Variants in ATF7 observed in about 807,000 individuals in gnomAD.
ATF7 encodes cyclic AMP-dependent transcription factor ATF-7.
In ATF7, 10 loss-of-function variants were observed where a neutral mutation model predicts 50.4. The ratio of observed to expected loss-of-function variants is 0.20; its 90% confidence interval spans 0.12 to 0.34. ATF7 has a LOEUF of 0.34. Ranked by LOEUF, ATF7 falls within the 10% of genes least tolerant of loss-of-function variation. ATF7 has a pLI of 1.00. For missense variants in ATF7, 465 were observed against 613.9 expected (o/e 0.76, Z 2.56); for synonymous variants, 201 against 226.4 (o/e 0.89, Z 1.01).
At chr12:53,617,525 A>G (rs1274551477) in intron 1 of ATF7, among the ~76,000 whole-genome samples, 2 of 152,158 alleles carry the variant, frequency 1.3e-5, no homozygotes, top group African/African-American at 4.8e-5. Flanking sequence ...GCTACTCGGG[A>G]GGCTGAGGCA....
At chr12:53,610,944 G>A (rs1217854591) in intron 1 of ATF7, among the ~76,000 whole-genome samples, 2 of 151,750 alleles carry the variant, frequency 1.3e-5, no homozygotes, top group African/African-American at 4.8e-5. Context: ...CTCCTGTCTC[G>A]GCCTCTTGAG....
intron 2 of ATF7, among the ~76,000 whole-genome samples, chr12:53,596,248 C>T (rs554768623): frequency 2.6e-5 from 4 of 152,044 alleles, no homozygotes; most frequent in Non-Finnish European, 5.9e-5. Context: ...TTCAGTGAGC[C>T]GAGATCGCGC....
intron 2 of ATF7, among the ~76,000 whole-genome samples, chr12:53,554,717 G>C (rs1940601542): frequency 6.6e-6 from 1 of 151,338 alleles, no homozygotes; most frequent in Non-Finnish European, 1.5e-5. Context: ...ACAAAAATTA[G>C]CTGGGCATGG....
chr12:53,552,683 C>T (rs1266095425), intron 2 of ATF7, 46 bp from the exon 3 acceptor site: 1 of 1,463,192 alleles, frequency 6.8e-7, no homozygotes, highest in East Asian at 2.3e-5. Context: ...AAAACAAAAA[C>T]CCGATTCGGT....
intron 3 of ATF7, 106 bp downstream of exon 3, chr12:53,552,435 C>A: frequency 2.4e-6 from 2 of 836,572 alleles, no homozygotes; most frequent in South Asian, 3.0e-5. Flanking sequence ...CACATAAGGG[C>A]TCTTAATGGG....
intron 2 of ATF7, among the ~76,000 whole-genome samples, chr12:53,559,497 G>A (rs1188903911): frequency 6.6e-6 from 1 of 151,996 alleles, no homozygotes; most frequent in Admixed American, 6.6e-5. Context: ...TGGCCAACAC[G>A]GTGAAACCCT....
chr12:53,600,370 C>T lies in ATF7; in HGVS notation c.48+583G>A, dbSNP rs189495170. ...TTTTTTTTTTTTTGAGACGGAGTTTCGCTCTTGTCACCCAGGCTGGAGTGC... is the reference window on the plus strand; with the variant it reads ...TTTTTTTTTTTTTGAGACGGAGTTTTGCTCTTGTCACCCAGGCTGGAGTGC... On this transcript the variant is annotated intron_variant, in intron 2 of 11. Coordinates refer to ENST00000420353, the MANE Select transcript of ATF7 (RefSeq NM_006856.3). Among the ~76,000 whole-genome samples the T allele has an allele frequency of 1.4e-4, 21 of 150,092 alleles. No individual in the cohort carries two copies. In the East Asian group the frequency reaches 3.1e-3, roughly 22 times the overall value.
At position 53,513,897 on chromosome 12, in the gene ATF7, A is replaced by G. The variant is rs1199126254; in HGVS notation, c.*3240T>C. 6 of 152,334 alleles carry G rather than the reference A, an allele frequency of 3.9e-5. No individual in the cohort carries two copies. The highest frequency in any genetic ancestry group is 5.9e-5 in the Non-Finnish European group (4 of 68,162). 9.4% of individuals were successfully genotyped at this position (152,334 alleles called of 1,614,324 possible). ...GTGAATCAAGAAAGGAGCCAAAACC[A>G]ACAGAACAGGGATAGAGAAGTGAGC... On this transcript the variant is annotated 3_prime_UTR_variant, in exon 12 of 12. Coordinates refer to ENST00000420353, the MANE Select transcript of ATF7 (RefSeq NM_006856.3).
In ATF7 at chr12:53,528,291, C is replaced by T. The variant is rs774940157; in HGVS notation, c.927+3453G>A. 2.4e-4 allele frequency among the ~76,000 whole-genome samples: 37 copies of T among 152,342 alleles called. No individual in the cohort carries two copies. The East Asian group carries it at 5.0e-3, about 21-fold the overall frequency. On this transcript the variant is annotated intron_variant, in intron 9 of 11. Coordinates refer to ENST00000420353, the MANE Select transcript of ATF7 (RefSeq NM_006856.3). ...TTTACAGTAATTCTCCTGAGAATTTCGGCTTCCTCTTTATCTTTAGCTGAC... is the reference window on the plus strand; with the variant it reads ...TTTACAGTAATTCTCCTGAGAATTTTGGCTTCCTCTTTATCTTTAGCTGAC...
intron 1 of ATF7, among the ~76,000 whole-genome samples, chr12:53,607,636 C>T (rs1438840226): frequency 6.6e-6 from 1 of 151,554 alleles, no homozygotes; most frequent in African/African-American, 2.4e-5. Flanking sequence ...TGAGAAAATG[C>T]CGTATGTTAA....
intron 2 of ATF7, among the ~76,000 whole-genome samples, chr12:53,568,300 G>A (rs1251845033): frequency 6.6e-6 from 1 of 152,070 alleles, no homozygotes; most frequent in Non-Finnish European, 1.5e-5. Context: ...ATAACTGGAA[G>A]GTGAGGAGGG....
At chr12:53,608,635 C>G (rs1943716023) in intron 1 of ATF7, among the ~76,000 whole-genome samples, 1 of 152,132 alleles carries the variant, frequency 6.6e-6, no homozygotes, top group South Asian at 2.1e-4. Context: ...CAGCTCAGTA[C>G]AAACTAGCTG....
intron 7 of ATF7, 127 bp downstream of exon 7, chr12:53,533,033 G>A: frequency 2.5e-6 from 2 of 800,422 alleles, no homozygotes; most frequent in Non-Finnish European, 2.0e-6. Context: ...TAGGCAGGCT[G>A]CCATGCTCAG....
intron 6 of ATF7, 88 bp downstream of exon 6, chr12:53,534,414 T>A: frequency 6.4e-7 from 1 of 1,567,194 alleles, no homozygotes; most frequent in Non-Finnish European, 8.8e-7. Context: ...TCCTTGGGTA[T>A]TGGAAAACAG....
Position 53,533,066 on chromosome 12 carries a change from T to C in ATF7, c.660+94A>G, listed in dbSNP as rs115281473. On this transcript the variant is annotated intron_variant, in intron 7 of 11. Coordinates refer to ENST00000420353, the MANE Select transcript of ATF7 (RefSeq NM_006856.3). The stretch of plus-strand genomic sequence containing the variant: ...CAGCTAATATAGATCAGAGCCCACA[T>C]TTCCCTGGGGCTCATGTGTATTTTA... The C allele has an allele frequency of 2.2e-3, 2,557 of 1,162,544 alleles. 39 individuals are homozygous for C. In the African/African-American group the frequency reaches 0.033, roughly 15 times the overall value. The allele number at this position is 1,162,544 out of a possible 1,614,324, so 72.0% of individuals were successfully genotyped here. A position where few individuals can be genotyped will look rare whatever the true frequency, so the allele number is the denominator to read the frequency against.
intron 1 of ATF7, among the ~76,000 whole-genome samples, chr12:53,602,772 AG>A (rs1943454246): frequency 6.6e-6 from 1 of 152,194 alleles, no homozygotes; most frequent in Non-Finnish European, 1.5e-5. Context: ...CCCCAGGATG[AG>A]GGGGGTTTTC....
chr12:53,524,522 T>C lies in ATF7; in HGVS notation c.1125+42A>G, dbSNP rs1034688941. The C allele has an allele frequency of 6.2e-7, 1 of 1,604,730 alleles. No individual in the cohort carries two copies. ...TTTTTTCTGATTCCATCCCACTTTC[T>C]GGATTTTCAACAATTCCAATAAGCA... On this transcript the variant is annotated intron_variant, in intron 10 of 11. Coordinates refer to ENST00000420353, the MANE Select transcript of ATF7 (RefSeq NM_006856.3). The surrounding 1 kb of genome is among the most constrained non-coding windows in gnomAD (Gnocchi z 4.6).
chr12:53,552,686 G>T (rs367981461), intron 2 of ATF7, 49 bp from the exon 3 acceptor site: 3 of 1,412,986 alleles, frequency 2.1e-6, no homozygotes, highest in Non-Finnish European at 2.0e-6. Context: ...ACAAAAACCC[G>T]ATTCGGTGCC....
chr12:53,532,332 G>A (rs891597639), intron 8 of ATF7, among the ~76,000 whole-genome samples, 178 bp downstream of exon 8: 2 of 152,178 alleles, frequency 1.3e-5, no homozygotes, highest in Non-Finnish European at 2.9e-5. Context: ...TCTAAAGGTG[G>A]GGAGAGGAGA....
Sources: allele counts gnomAD v4.1 joint callset (sites outside exome capture counted in the v4.1 genomes callset), GRCh38; gene constraint gnomAD v4.1.1; non-coding constraint Gnocchi (gnomAD v3.1); transcripts MANE v1.5; gene names NCBI Gene and HGNC (gene_info 2026-07-23, HGNC 2026-07-21).